STAG2: variants seen among roughly 807,000 people sequenced by gnomAD.
The protein encoded by STAG2 is cohesin subunit SA-2.
A neutral mutation model predicts 108.1 loss-of-function variants in STAG2; 14 were observed. That is an observed-to-expected ratio of 0.13 (90% CI 0.09 to 0.20). The LOEUF is 0.20. STAG2 is among the 10% of genes least tolerant of loss of function. STAG2 has a pLI of 1.00. For missense variants in STAG2, 440 were observed against 940.9 expected (o/e 0.47, Z 6.96); for synonymous variants, 307 against 302.7 (o/e 1.01, Z -0.15).
intron 1 of STAG2, among the ~76,000 whole-genome samples, chrX:123,964,520 G>A (rs910154561): frequency 1.8e-5 from 2 of 111,421 alleles, no homozygotes; most frequent in African/African-American, 6.5e-5. Flanking sequence ...AAGTGACAGT[G>A]GAAGGGATTG....
intron 30 of STAG2, among the ~76,000 whole-genome samples, chrX:124,088,589 T>TA (rs1330316611): frequency 1.8e-5 from 2 of 108,914 alleles, no homozygotes; most frequent in African/African-American, 6.6e-5. Flanking sequence ...CTTAAAACCT[T>TA]ACACACATTT....
In STAG2 at chrX:124,059,035, G is replaced by A. The variant is rs745458875; in HGVS notation, c.1416+1058G>A. 1.4e-4 allele frequency among the ~76,000 whole-genome samples: 16 copies of A among 110,803 alleles called. No individual in the cohort carries two copies. In the South Asian group the frequency reaches 4.9e-3, roughly 34 times the overall value. On this transcript the variant is annotated intron_variant, in intron 15 of 34. Coordinates refer to ENST00000371145, the MANE Select transcript of STAG2 (RefSeq NM_001042750.2). ...TCTAAGACCTTCAGTAGAATGTTGC[G>A]CTTAGGTGCGGTGGCTGACGCCTGT...
chrX:124,028,761 G>GT (rs2057191544), intron 4 of STAG2, among the ~76,000 whole-genome samples: 1 of 99,118 alleles, frequency 1.0e-5, no homozygotes, highest in Non-Finnish European at 2.0e-5. Context: ...TCTGTGGCTT[G>GT]TTTTTGTACT....
intron 13 of STAG2, among the ~76,000 whole-genome samples, chrX:124,052,765 A>T (rs1362873616): frequency 9.1e-6 from 1 of 109,899 alleles, no homozygotes; most frequent in Non-Finnish European, 1.9e-5. Flanking sequence ...CTTTTTACAA[A>T]GGTTGCACTG....
At chrX:124,002,484 G>A (rs902505467) in intron 1 of STAG2, among the ~76,000 whole-genome samples, 1 of 111,622 alleles carries the variant, frequency 9.0e-6, no homozygotes, top group Non-Finnish European at 1.9e-5. Flanking sequence ...AGATACGTTA[G>A]TGATGATAAA....
chrX:124,041,159 G>A (rs182301702), intron 6 of STAG2, among the ~76,000 whole-genome samples: 308 of 108,669 alleles, frequency 2.8e-3, no homozygotes, highest in African/African-American at 9.9e-3. Context: ...CCAAGAGTGT[G>A]TTTCTTTAGC....
At chrX:123,996,597 A>G (rs1270336133) in intron 1 of STAG2, among the ~76,000 whole-genome samples, 1 of 110,913 alleles carries the variant, frequency 9.0e-6, no homozygotes, top group Non-Finnish European at 1.9e-5. Context: ...TTTCTCATTT[A>G]TATGTTTTTT....
At chrX:124,003,919 T>C (rs2056172300) in intron 1 of STAG2, among the ~76,000 whole-genome samples, 1 of 111,822 alleles carries the variant, frequency 8.9e-6, no homozygotes, top group African/African-American at 3.3e-5. Context: ...TATTTGTTTT[T>C]GATGTATTTT....
In STAG2 at chrX:124,025,870, A is replaced by G. The variant is rs1260949206; in HGVS notation, c.75A>G (p.Thr25=). 8.4e-7 allele frequency: 1 copy of G among 1,187,632 alleles called. No homozygotes were observed. Among genetic ancestry groups the G allele is most frequent in the Admixed American group, 2.3e-5 (1 of 43,807 alleles). ...CAGAAACACATTTTTCTTCTGACAC[A>G]GATTTTGAAGATATCGAAGGAAAAA... The part of the protein sequence containing the change: ...QESETHFSSD[T]DFEDIEGKNQ... The change falls in exon 4 of 35, where the codon ACA becomes ACG. Residue 25 remains threonine (T), a synonymous_variant. Coordinates refer to ENST00000371145, the MANE Select transcript of STAG2 (RefSeq NM_001042750.2).
intron 1 of STAG2, among the ~76,000 whole-genome samples, chrX:123,984,196 C>A (rs2055045759): frequency 9.2e-6 from 1 of 108,156 alleles, no homozygotes; most frequent in Non-Finnish European, 1.9e-5. Flanking sequence ...CAGGCTGGTC[C>A]CGAACTCCCA....
chrX:124,010,930 A>G (rs2056501538), intron 1 of STAG2, among the ~76,000 whole-genome samples: 1 of 111,200 alleles, frequency 9.0e-6, no homozygotes, highest in Non-Finnish European at 1.9e-5. Context: ...ATTTTTGCAA[A>G]AAGTGCTATT....
At chrX:124,061,144 T>A (rs2058365319) in intron 15 of STAG2, 80 bp from the exon 16 acceptor site, 1 of 668,116 alleles carries the variant, frequency 1.5e-6, no homozygotes, top group African/African-American at 2.2e-5. Flanking sequence ...TTGTAGATGA[T>A]GTCAATAAAG....
intron 1 of STAG2, among the ~76,000 whole-genome samples, chrX:123,968,775 A>T (rs1423108597): frequency 2.7e-5 from 3 of 112,655 alleles, no homozygotes; most frequent in Admixed American, 9.4e-5. Context: ...AACTTAATTT[A>T]ACTGCTATTT....
In STAG2 at chrX:124,061,690, T is replaced by C. The variant is rs924998227; in HGVS notation, c.1535-81T>C. On this transcript the variant is annotated intron_variant, in intron 16 of 34. Transcript: ENST00000371145. The stretch of plus-strand genomic sequence containing the variant: ...TGTTTACAGGCAGAAGAAACTGTTA[T>C]GTAATAATTACAAGTGGCATATAGG... 8 of 730,040 alleles carry C rather than the reference T, an allele frequency of 1.1e-5. No individual in the cohort carries two copies. In the South Asian group the frequency reaches 2.3e-4, roughly 21 times the overall value. The allele number at this position is 730,040 out of a possible 1,213,427, so 60.2% of individuals were successfully genotyped here.
chrX:123,999,195 G>A lies in STAG2; in HGVS notation c.-162-22172G>A, dbSNP rs767438214. 2.7e-5 allele frequency among the ~76,000 whole-genome samples: 3 copies of A among 111,762 alleles called. No individual in the cohort carries two copies. In the East Asian group the frequency reaches 8.4e-4, roughly 31 times the overall value. On this transcript the variant is annotated intron_variant, in intron 1 of 34. Coordinates refer to ENST00000371145, the MANE Select transcript of STAG2 (RefSeq NM_001042750.2). The stretch of plus-strand genomic sequence containing the variant: ...CCATTAAAAAAGAAACACCCCTTCA[G>A]AGTAGAGGAAGCAGAGAGACATTAT...
At chrX:124,004,431 C>T (rs1003545043) in intron 1 of STAG2, among the ~76,000 whole-genome samples, 4 of 112,062 alleles carry the variant, frequency 3.6e-5, no homozygotes, top group African/African-American at 1.3e-4. Context: ...CATATATATT[C>T]CTATTTAGTG....
At chrX:124,081,655 C>T (rs1028004185) in intron 28 of STAG2, 127 bp downstream of exon 28, 13 of 506,166 alleles carry the variant, frequency 2.6e-5, no homozygotes, top group East Asian at 4.2e-5. Flanking sequence ...TAAATCTCTA[C>T]CCTATCTCCT....
intron 1 of STAG2, among the ~76,000 whole-genome samples, chrX:124,005,908 C>T (rs1052129765): frequency 9.0e-6 from 1 of 111,656 alleles, no homozygotes; most frequent in Non-Finnish European, 1.9e-5. Flanking sequence ...TGGTGGTTTG[C>T]TGGCAATCTT....
chrX:124,062,612 T>C (rs986572567), intron 17 of STAG2, among the ~76,000 whole-genome samples: 1 of 112,091 alleles, frequency 8.9e-6, no homozygotes, highest in East Asian at 2.8e-4. Context: ...TTTCCTATTT[T>C]TAACTGATTC....
Sources: gnomAD v4.1 joint callset for allele counts (sites outside exome capture counted in the v4.1 genomes callset) on GRCh38, gnomAD v4.1.1 for gene constraint, MANE v1.5 for transcripts, NCBI Gene and HGNC (gene_info 2026-07-23, HGNC 2026-07-21) for gene names.